The following KCNB2 variants were observed in gnomAD, a reference collection of about 807,000 sequenced individuals.
KCNB2 encodes the protein delayed rectifier potassium channel protein.
Under a neutral mutation model 61.5 loss-of-function variants are expected in KCNB2, and 15 were observed. That is an observed-to-expected ratio of 0.24 (90% CI 0.16 to 0.38). KCNB2 has a LOEUF of 0.38. KCNB2 is among the 10% of genes least tolerant of loss of function. KCNB2 has a pLI of 1.00. For missense variants in KCNB2, 828 were observed against 1,125.2 expected (o/e 0.74, Z 3.78); for synonymous variants, 457 against 446.0 (o/e 1.02, Z -0.31).
chr8:72,696,739 CT>C (rs1807024439), intron 2 of KCNB2, among the ~76,000 whole-genome samples: 1 of 152,132 alleles, frequency 6.6e-6, no homozygotes, highest in African/African-American at 2.4e-5. Flanking sequence ...ATTCTGCTAA[CT>C]TTAGGGACCT....
chr8:72,765,984 C>A lies in KCNB2; in HGVS notation c.580-169951C>A, dbSNP rs910665229. ...TAAATTGATAGAGACAGATATTTTTCTCTTTCATTCTTAATGCTGCTTCTC... is the reference window on the plus strand; with the variant it reads ...TAAATTGATAGAGACAGATATTTTTATCTTTCATTCTTAATGCTGCTTCTC... On this transcript the variant is annotated intron_variant, in intron 2 of 2. Coordinates refer to ENST00000523207, the MANE Select transcript of KCNB2 (RefSeq NM_004770.3). Among the ~76,000 whole-genome samples the A allele has an allele frequency of 3.3e-5, 5 of 152,280 alleles. 1 individual carries two copies.
chr8:72,611,063 C>G (rs141925120), intron 2 of KCNB2, among the ~76,000 whole-genome samples: 3 of 152,046 alleles, frequency 2.0e-5, no homozygotes, highest in Non-Finnish European at 2.9e-5. Context: ...TGAGATTGCT[C>G]TAAATTTATG....
chr8:72,580,713 C>T (rs909457522), intron 2 of KCNB2, among the ~76,000 whole-genome samples: 2 of 152,156 alleles, frequency 1.3e-5, no homozygotes, highest in African/African-American at 4.8e-5. Context: ...CTTACCTTTA[C>T]TTATCCTATT....
chr8:72,600,160 AT>A (rs1296931906), intron 2 of KCNB2, among the ~76,000 whole-genome samples: 3 of 152,228 alleles, frequency 2.0e-5, no homozygotes, highest in Admixed American at 2.0e-4. Context: ...TTATTGCGGC[AT>A]TATTCACAAT....
intron 2 of KCNB2, among the ~76,000 whole-genome samples, chr8:72,643,926 C>A (rs72668162): frequency 0.029 from 4,405 of 152,140 alleles, 97 homozygotes; most frequent in Middle Eastern, 0.082. Flanking sequence ...AGAATGTTCC[C>A]AGCAGTTTGA....
chr8:72,752,968 G>T (rs1166621967), intron 2 of KCNB2, among the ~76,000 whole-genome samples: 1 of 152,150 alleles, frequency 6.6e-6, no homozygotes, highest in Admixed American at 6.6e-5. Flanking sequence ...ACATTTAGAT[G>T]ACATATTTCC....
chr8:72,832,039 T>C (rs566176531), intron 2 of KCNB2, among the ~76,000 whole-genome samples: 1 of 152,242 alleles, frequency 6.6e-6, no homozygotes, highest in African/African-American at 2.4e-5. Context: ...AAACATTATT[T>C]GGCTGATCCT....
intron 2 of KCNB2, among the ~76,000 whole-genome samples, chr8:72,591,901 A>G (rs992006232): frequency 1.3e-5 from 2 of 152,078 alleles, no homozygotes; most frequent in African/African-American, 2.4e-5. Flanking sequence ...TAAGAATAGT[A>G]TCACTGAGAC....
intron 2 of KCNB2, among the ~76,000 whole-genome samples, chr8:72,882,876 C>A (rs932280720): frequency 5.9e-5 from 9 of 152,214 alleles, no homozygotes; most frequent in Admixed American, 5.9e-4. Context: ...ATTCAAATTT[C>A]TGGCTCCCTC....
chr8:72,866,848 A>G (rs1384369384), intron 2 of KCNB2, among the ~76,000 whole-genome samples: 1 of 152,190 alleles, frequency 6.6e-6, no homozygotes, highest in Non-Finnish European at 1.5e-5. Flanking sequence ...AATTAATCAC[A>G]GGCTTTGAAA....
rs910017634 is a variant in KCNB2, at chr8:72,758,776, A to G, written c.580-177159A>G. 8.5e-5 allele frequency among the ~76,000 whole-genome samples: 13 copies of G among 152,370 alleles called. 1 individual carries two copies. In the South Asian group the frequency reaches 2.7e-3, roughly 32 times the overall value. ...TTAAATAGTGATTTAATTGGCAGTC[A>G]TTGAAAACTCAGGGCCCACAATTCT... On this transcript the variant is annotated intron_variant, in intron 2 of 2. Transcript: ENST00000523207.
intron 2 of KCNB2, among the ~76,000 whole-genome samples, chr8:72,906,550 G>T (rs1340221900): frequency 6.6e-6 from 1 of 152,130 alleles, no homozygotes; most frequent in Non-Finnish European, 1.5e-5. Context: ...AGCTGCTTTG[G>T]TGATTTTATG....
chr8:72,656,888 G>C (rs1189216889), intron 2 of KCNB2, among the ~76,000 whole-genome samples: 2 of 152,006 alleles, frequency 1.3e-5, no homozygotes, highest in Non-Finnish European at 2.9e-5. Context: ...TCATTATCGG[G>C]CTACCAGAAA....
intron 2 of KCNB2, among the ~76,000 whole-genome samples, chr8:72,816,982 T>G (rs190777361): frequency 1.8e-4 from 27 of 152,266 alleles, no homozygotes; most frequent in African/African-American, 6.0e-4. Context: ...ATGGCTGCAA[T>G]GAAAAGATCA....
At chr8:72,696,738 ACTTTAGGGAC>A (rs1460388589) in intron 2 of KCNB2, among the ~76,000 whole-genome samples, 2 of 152,192 alleles carry the variant, frequency 1.3e-5, no homozygotes, top group Non-Finnish European at 2.9e-5. Flanking sequence ...CATTCTGCTA[ACTTTAGGGAC>A]CTTTATGAAC....
At chr8:72,728,809 T>C (rs987541957) in intron 2 of KCNB2, among the ~76,000 whole-genome samples, 1 of 152,142 alleles carries the variant, frequency 6.6e-6, no homozygotes, top group African/African-American at 2.4e-5. Context: ...CAACACAGGG[T>C]ATTGCAAAAA....
chr8:72,686,731 G>A (rs1806859590), intron 2 of KCNB2, among the ~76,000 whole-genome samples: 1 of 152,012 alleles, frequency 6.6e-6, no homozygotes, highest in Non-Finnish European at 1.5e-5. Context: ...GACTAATGTG[G>A]GATTGTTCAC....
At chr8:72,550,718 A>G (rs562572647) in intron 1 of KCNB2, among the ~76,000 whole-genome samples, 16 of 152,338 alleles carry the variant, frequency 1.1e-4, no homozygotes, top group African/African-American at 3.4e-4. Context: ...TCTGACAGTC[A>G]GGAAAAGCCA....
chr8:72,835,741 G>A (rs190698578), intron 2 of KCNB2, among the ~76,000 whole-genome samples: 1 of 152,130 alleles, frequency 6.6e-6, no homozygotes, highest in Non-Finnish European at 1.5e-5. Flanking sequence ...GAGTAAATCA[G>A]ATTGAAAATC....
Sources: allele counts gnomAD v4.1 joint callset (sites outside exome capture counted in the v4.1 genomes callset), GRCh38; gene constraint gnomAD v4.1.1; transcripts MANE v1.5; gene names NCBI Gene and HGNC (gene_info 2026-07-23, HGNC 2026-07-21).